The following PCDHGB2 variants were observed in gnomAD, a reference collection of about 807,000 sequenced individuals.
PCDHGB2 encodes protocadherin gamma-B2.
PCDHGB2 carries 55 observed loss-of-function variants against 59.3 expected under a neutral mutation model. That is an observed-to-expected ratio of 0.93 (90% confidence interval 0.75 to 1.16). The LOEUF (loss-of-function observed/expected upper bound fraction) is 1.16. Ranked by LOEUF, PCDHGB2 falls within the 50% of genes most tolerant of loss-of-function variation. The pLI, the probability that PCDHGB2 is intolerant of heterozygous loss-of-function variation, is 0.00. For synonymous variants in PCDHGB2, 516 were observed against 512.0 expected (o/e 1.01, Z -0.11); for missense variants, 1,228 against 1,198.5 (o/e 1.02, Z -0.36).
chr5:141,396,584 C>T (rs2093399172), intron 1 of PCDHGB2: 1 of 151,318 alleles, frequency 6.6e-6, no homozygotes, highest in Non-Finnish European at 1.5e-5. Flanking sequence ...CCTGTCACTG[C>T]ACTCCAGCCT....
intron 1 of PCDHGB2, chr5:141,399,810 C>A (rs148150333): frequency 2.5e-6 from 4 of 1,613,076 alleles, no homozygotes; most frequent in Middle Eastern, 1.7e-4. Flanking sequence ...TGCTGTACCC[C>A]GCGCTGGGTC....
chr5:141,494,844 C>T lies in PCDHGB2; in HGVS notation c.2459C>T (p.Ala820Val). The change falls in exon 2 of 4, where the codon GCC becomes GTC. Residue 820 changes from alanine to valine, a missense_variant. Ala to Val is a moderately conservative substitution (Grantham distance 64). This residue lies in a region of PCDHGB2 where 433 missense variants were observed against 441.8 expected (regional missense o/e 0.98). Coordinates refer to ENST00000522605, the MANE Select transcript of PCDHGB2 (RefSeq NM_018923.3). ...PPNTDWRFSQ[A>V]QRPGTSGSQN... The stretch of plus-strand genomic sequence containing the variant: ...AACACGGACTGGCGTTTCTCTCAGG[C>T]CCAGAGACCCGGCACCAGCGGGTAG... The T allele has an allele frequency of 6.2e-7, 1 of 1,614,190 alleles. No homozygotes were observed. The highest frequency in any genetic ancestry group is 8.5e-7 in the Non-Finnish European group (1 of 1,180,028).
At chr5:141,436,467 A>G (rs2097825090) in intron 1 of PCDHGB2, among the ~76,000 whole-genome samples, 1 of 152,216 alleles carries the variant, frequency 6.6e-6, no homozygotes, top group South Asian at 2.1e-4. Flanking sequence ...GAATTTTCAG[A>G]TGTATCATAG....
chr5:141,397,965 C>G (rs2093591451), intron 1 of PCDHGB2: 3 of 1,077,486 alleles, frequency 2.8e-6, no homozygotes, highest in South Asian at 1.7e-5. Context: ...AGCTCAGACT[C>G]CCCAGCGCCG....
At position 141,414,671 on chromosome 5, in the gene PCDHGB2, C is replaced by A. The variant is rs115280317; in HGVS notation, c.2421+52115C>A. On this transcript the variant is annotated intron_variant, in intron 1 of 3. Coordinates refer to ENST00000522605, the MANE Select transcript of PCDHGB2 (RefSeq NM_018923.3). ...ATTATTTACTCCCTGGCTGAAGACA[C>A]CATCCAGGGGGTACCTCTGTCCTCA... 857 of 1,613,966 alleles carry A rather than the reference C, an allele frequency of 5.3e-4. 9 individuals carry two copies. In the African/African-American group the frequency reaches 0.01, roughly 19 times the overall value.
Position 141,432,244 on chromosome 5 carries a change from C to T in PCDHGB2, c.2422-62563C>T. 1 of 1,614,262 alleles carries T rather than the reference C, an allele frequency of 6.2e-7. No homozygotes were observed. Among genetic ancestry groups the T allele is most frequent in the Non-Finnish European group, 8.5e-7 (1 of 1,180,048 alleles). On this transcript the variant is annotated intron_variant, in intron 1 of 3. Coordinates refer to ENST00000522605, the MANE Select transcript of PCDHGB2 (RefSeq NM_018923.3). The surrounding 1 kb of genome is among the most constrained non-coding windows in gnomAD (Gnocchi z 6.0). ...TCACTTATTCCCTGGCTGAGAACAC[C>T]ATCCAAGGGGCAAGCCTATCGTCCT...
intron 1 of PCDHGB2, chr5:141,405,577 T>C (rs1034475748): frequency 1.0e-5 from 6 of 597,580 alleles, no homozygotes; most frequent in Non-Finnish European, 1.8e-5. Context: ...GTAGAGTAGC[T>C]GGGACTACAG....
rs951164053 is a variant in PCDHGB2 at position 141,366,888 on chromosome 5, T to C, written c.2421+4332T>C. On this transcript the variant is annotated intron_variant, in intron 1 of 3. Coordinates refer to ENST00000522605, the MANE Select transcript of PCDHGB2 (RefSeq NM_018923.3). ...CTGTATTGGAGATTAATTTTTTTTA[T>C]ATAATTCATGCTTTCTCCATTTGTT... is the stretch of plus-strand genomic sequence containing the variant. 3.1e-6 allele frequency: 4 copies of C among 1,273,828 alleles called. No homozygotes were observed. The Admixed American group carries it at 7.6e-5, about 24-fold the overall frequency. The allele number at this position is 1,273,828 out of a possible 1,614,324, so 78.9% of individuals were successfully genotyped here. A position where few individuals can be genotyped will look rare whatever the true frequency, so the allele number is the denominator to read the frequency against.
At chr5:141,377,343 C>G (rs1218188915) in intron 1 of PCDHGB2, 1 of 152,110 alleles carries the variant, frequency 6.6e-6, no homozygotes. Context: ...TGGTGGTTCA[C>G]GCCTGTAATC....
chr5:141,421,231 G>T (rs1368484504), intron 1 of PCDHGB2: 1 of 1,590,694 alleles, frequency 6.3e-7, no homozygotes, highest in South Asian at 1.1e-5. Context: ...GCCTGCCATG[G>T]CGAATCGGCT....
Position 141,408,922 on chromosome 5 carries a change from G to A in PCDHGB2, c.2421+46366G>A, listed in dbSNP as rs762449366. ...TCAAGGATACCAATGATAACCCCCC[G>A]GTTTTCAGCAGAGACGAATATAGAA... On this transcript the variant is annotated intron_variant, in intron 1 of 3. Coordinates refer to ENST00000522605, the MANE Select transcript of PCDHGB2 (RefSeq NM_018923.3). 3.7e-6 allele frequency: 6 copies of A among 1,613,104 alleles called. No homozygotes were observed. In the Admixed American group the frequency reaches 8.3e-5, roughly 22 times the overall value.
chr5:141,366,258 TG>T (rs758170088), intron 1 of PCDHGB2: 16 of 1,613,596 alleles, frequency 9.9e-6, no homozygotes, highest in Non-Finnish European at 1.4e-5. Flanking sequence ...CAGAGCCTCG[TG>T]GTGGCCGTCG....
Position 141,432,082 on chromosome 5 carries a change from C to G in PCDHGB2, c.2422-62725C>G. The G allele has an allele frequency of 1.2e-6, 2 of 1,614,184 alleles. No individual in the cohort carries two copies. The highest frequency in any genetic ancestry group is 1.7e-6 in the Non-Finnish European group (2 of 1,180,028). On this transcript the variant is annotated intron_variant, in intron 1 of 3. Coordinates refer to ENST00000522605, the MANE Select transcript of PCDHGB2 (RefSeq NM_018923.3). This position sits in a 1 kb window ranked among gnomAD's most constrained non-coding sequence, Gnocchi z 6.0. Reference sequence around the variant, plus strand: ...CCACGGAAACTCATATCTCGCTGAACGTGGCAGACACCAACGACAACCCGC... The same window carrying G: ...CCACGGAAACTCATATCTCGCTGAAGGTGGCAGACACCAACGACAACCCGC...
intron 1 of PCDHGB2, chr5:141,375,169 A>G: frequency 6.2e-7 from 1 of 1,614,010 alleles, no homozygotes; most frequent in South Asian, 1.1e-5. Flanking sequence ...GTGCACCTCC[A>G]GGAACAGTAA....
chr5:141,490,344 AGTGGGGTTGTTTAAT>A lies in PCDHGB2; in HGVS notation c.2422-4459_2422-4445del. The A allele has an allele frequency of 6.2e-7, 1 of 1,614,178 alleles. No individual in the cohort carries two copies. The highest frequency in any genetic ancestry group is 8.5e-7 in the Non-Finnish European group (1 of 1,180,030). ...TAGAGAGCACACCAGTGGGCACAGT[AGTGGGGTTGTTTAAT>A]GTGCGAGACCGGGACTCAGGTAGAA... On this transcript the variant is annotated intron_variant, in intron 1 of 3. Coordinates refer to ENST00000522605, the MANE Select transcript of PCDHGB2 (RefSeq NM_018923.3). This position sits in a 1 kb window ranked among gnomAD's most constrained non-coding sequence, Gnocchi z 5.4.
chr5:141,500,367 C>A (rs953610460), intron 2 of PCDHGB2, among the ~76,000 whole-genome samples: 7 of 151,940 alleles, frequency 4.6e-5, no homozygotes, highest in African/African-American at 1.7e-4. Context: ...CACTACCACG[C>A]CCGGCTAATT....
At chr5:141,387,214 A>G (rs189405322) in intron 1 of PCDHGB2, among the ~76,000 whole-genome samples, 1 of 152,346 alleles carries the variant, frequency 6.6e-6, no homozygotes, top group African/African-American at 2.4e-5. Context: ...TACTCTCCGG[A>G]AAAAGTTGAA....
intron 1 of PCDHGB2, chr5:141,385,373 T>A (rs754384717): frequency 6.5e-7 from 1 of 1,529,238 alleles, no homozygotes; most frequent in African/African-American, 1.4e-5. Context: ...TTGCATGATA[T>A]TTCTCTATTA....
intron 1 of PCDHGB2, chr5:141,475,934 G>C (rs754356530): frequency 3.0e-6 from 2 of 665,118 alleles, no homozygotes; most frequent in Non-Finnish European, 5.0e-6. Context: ...TCGGGCCCCT[G>C]CCCGTCCCCT....
Sources: allele counts gnomAD v4.1 joint callset (sites outside exome capture counted in the v4.1 genomes callset), GRCh38; gene constraint gnomAD v4.1.1; regional missense constraint gnomAD v4.1.1; non-coding constraint Gnocchi (gnomAD v3.1); transcripts MANE v1.5; gene names NCBI Gene and HGNC (gene_info 2026-07-23, HGNC 2026-07-21).